Variants in EFCAB11 observed in about 807,000 individuals in gnomAD.
The protein encoded by EFCAB11 is EF-hand calcium-binding domain-containing protein 11.
In EFCAB11, 14 loss-of-function variants were observed where a neutral mutation model predicts 23.0. The observed-to-expected ratio is 0.61, with a 90% CI of 0.40 to 0.95. The LOEUF is 0.95. Among genes scored for constraint, EFCAB11 ranks in the 40% least tolerant of loss-of-function variants. EFCAB11 has a pLI of 0.00. For synonymous variants in EFCAB11, 65 were observed against 66.6 expected (o/e 0.98, Z 0.11); for missense variants, 198 against 195.8 (o/e 1.01, Z -0.07).
chr14:89,915,691 A>G (rs2139775980), intron 5 of EFCAB11, among the ~76,000 whole-genome samples: 1 of 152,316 alleles, frequency 6.6e-6, no homozygotes, highest in African/African-American at 2.4e-5. Context: ...GAGAAAACTC[A>G]ATCTACCCAC....
chr14:89,886,505 G>A (rs563687025), intron 5 of EFCAB11, among the ~76,000 whole-genome samples: 11 of 107,684 alleles, frequency 1.0e-4, no homozygotes, highest in African/African-American at 3.8e-4. Context: ...GCAACAGAGC[G>A]AAACTCCGTC....
intron 5 of EFCAB11, among the ~76,000 whole-genome samples, chr14:89,882,271 T>C (rs1366456601): frequency 6.6e-6 from 1 of 152,248 alleles, no homozygotes; most frequent in Non-Finnish European, 1.5e-5. Flanking sequence ...CTTGTCTTAT[T>C]ATTTGTTTCT....
At chr14:89,926,729 C>T (rs1463789726) in intron 5 of EFCAB11, among the ~76,000 whole-genome samples, 1 of 152,184 alleles carries the variant, frequency 6.6e-6, no homozygotes, top group Non-Finnish European at 1.5e-5. Context: ...AAAATGTTAG[C>T]ATTCAATCCA....
At chr14:89,822,422 T>A (rs1334229913) in intron 5 of EFCAB11, among the ~76,000 whole-genome samples, 1 of 152,154 alleles carries the variant, frequency 6.6e-6, no homozygotes, top group Non-Finnish European at 1.5e-5. Context: ...AGACTTTGAG[T>A]CACTGTTTTA....
intron 2 of EFCAB11, among the ~76,000 whole-genome samples, chr14:89,952,948 A>G (rs1891226665): frequency 6.6e-6 from 1 of 152,154 alleles, no homozygotes; most frequent in Non-Finnish European, 1.5e-5. Flanking sequence ...TTGTCTCTCG[A>G]ATGAATGTAA....
intron 5 of EFCAB11, among the ~76,000 whole-genome samples, chr14:89,888,810 CTGT>C (rs1436803570): frequency 6.6e-5 from 10 of 152,304 alleles, no homozygotes; most frequent in African/African-American, 2.4e-4. Context: ...AAAAAAATTT[CTGT>C]TGTTTATAAG....
At chr14:89,850,137 C>T (rs866249045) in intron 5 of EFCAB11, among the ~76,000 whole-genome samples, 4 of 152,208 alleles carry the variant, frequency 2.6e-5, no homozygotes, top group Non-Finnish European at 5.9e-5. Context: ...TGCAGTGATG[C>T]AAACTTCACA....
intron 5 of EFCAB11, among the ~76,000 whole-genome samples, chr14:89,895,164 G>A (rs1022754798): frequency 6.6e-6 from 1 of 152,140 alleles, no homozygotes; most frequent in African/African-American, 2.4e-5. Context: ...TACAGCGTAA[G>A]TGAAAACCAA....
chr14:89,946,856 G>A (rs1891004188), intron 3 of EFCAB11, among the ~76,000 whole-genome samples: 1 of 151,912 alleles, frequency 6.6e-6, no homozygotes, highest in African/African-American at 2.4e-5. Flanking sequence ...TGGATTACAG[G>A]TGTGAGTCAC....
At chr14:89,898,703 A>C (rs1889251161) in intron 5 of EFCAB11, among the ~76,000 whole-genome samples, 2 of 128,120 alleles carry the variant, frequency 1.6e-5, no homozygotes, top group African/African-American at 3.1e-5. Context: ...GCAAAGTATC[A>C]CTCTGTCATC....
At chr14:89,918,090 ATATGAG>A (rs1156432813) in intron 5 of EFCAB11, among the ~76,000 whole-genome samples, 1 of 152,164 alleles carries the variant, frequency 6.6e-6, no homozygotes, top group Non-Finnish European at 1.5e-5. Flanking sequence ...TCTAGGATGG[ATATGAG>A]TATATCTTCA....
Position 89,834,403 on chromosome 14 carries a change from A to AAAAAAAAAAAAC in EFCAB11, c.411-37080_411-37079insGTTTTTTTTTTT, listed in dbSNP as rs67216494. Among the ~76,000 whole-genome samples the AAAAAAAAAAAAC allele has an allele frequency of 3.0e-5, 3 of 101,398 alleles. 1 individual carries two copies. Among genetic ancestry groups the AAAAAAAAAAAAC allele is most frequent in the Non-Finnish European group, 5.9e-5 (3 of 50,668 alleles). The allele number at this position is 101,398 out of a possible 152,430, so 66.5% of individuals were successfully genotyped here. A position where few individuals can be genotyped will look rare whatever the true frequency, so the allele number is the denominator to read the frequency against. ...AAAAAAAAAAAAAAAAAAAAAAAAA[A>AAAAAAAAAAAAC]CCTTTTTGTTTAAACTTCTAAAGAT... On this transcript the variant is annotated intron_variant, in intron 5 of 5. Transcript: ENST00000316738.
intron 5 of EFCAB11, among the ~76,000 whole-genome samples, chr14:89,802,732 C>A (rs1885829290): frequency 6.6e-6 from 1 of 152,056 alleles, no homozygotes; most frequent in Non-Finnish European, 1.5e-5. Flanking sequence ...TTCTTTTGGG[C>A]AGAAGCTGAA....
rs1398838763 is a variant in EFCAB11 at position 89,795,009 on chromosome 14, G to A, written c.*2234C>T. 2 of 111,064 alleles carry A rather than the reference G, an allele frequency of 1.8e-5. No individual in the cohort carries two copies. The highest frequency in any genetic ancestry group is 7.1e-5 in the African/African-American group (2 of 28,078). The allele number at this position is 111,064 out of a possible 1,614,324, so 6.9% of individuals were successfully genotyped here. A position where few individuals can be genotyped will look rare whatever the true frequency, so the allele number is the denominator to read the frequency against. On this transcript the variant is annotated 3_prime_UTR_variant, in exon 6 of 6. Transcript: ENST00000316738. Reference sequence around the variant, plus strand: ...TTTTTTTTTTTTGAGAGGGAGTCTCGCTCTGTTGCCCAGACTGGAGTGCAG... The same window carrying A: ...TTTTTTTTTTTTGAGAGGGAGTCTCACTCTGTTGCCCAGACTGGAGTGCAG...
At chr14:89,821,203 T>C (rs1331870006) in intron 5 of EFCAB11, among the ~76,000 whole-genome samples, 1 of 152,092 alleles carries the variant, frequency 6.6e-6, no homozygotes, top group Non-Finnish European at 1.5e-5. Flanking sequence ...TAAAGCAGAT[T>C]GCGCTCCATA....
chr14:89,952,635 A>T (rs1273619340), intron 2 of EFCAB11: 4 of 980,920 alleles, frequency 4.1e-6, no homozygotes, highest in Non-Finnish European at 4.8e-6. Context: ...AGAATATATT[A>T]ATACTTATTG....
intron 5 of EFCAB11, among the ~76,000 whole-genome samples, chr14:89,878,298 T>C (rs193123167): frequency 6.6e-6 from 1 of 152,312 alleles, no homozygotes; most frequent in Admixed American, 6.5e-5. Flanking sequence ...ATGCATTCTA[T>C]TTTAACTGCC....
chr14:89,901,897 AAATT>A (rs1381490193), intron 5 of EFCAB11, among the ~76,000 whole-genome samples: 1 of 152,194 alleles, frequency 6.6e-6, no homozygotes, highest in Admixed American at 6.5e-5. Flanking sequence ...ATAAGATTTC[AAATT>A]TTCAGATTGG....
chr14:89,807,624 C>T (rs1003702111), intron 5 of EFCAB11, among the ~76,000 whole-genome samples: 11 of 152,144 alleles, frequency 7.2e-5, no homozygotes, highest in African/African-American at 1.9e-4. Context: ...ATTGTTTAGA[C>T]GGAAGCTTGC....
Sources: allele counts gnomAD v4.1 joint callset (sites outside exome capture counted in the v4.1 genomes callset), GRCh38; gene constraint gnomAD v4.1.1; transcripts MANE v1.5; gene names NCBI Gene and HGNC (gene_info 2026-07-23, HGNC 2026-07-21).